CD163L1: variants seen among roughly 807,000 people sequenced by gnomAD.
The protein encoded by CD163L1 is CD163 molecule like 1, also known as scavenger receptor cysteine-rich type 1 protein M160.
A neutral mutation model predicts 165.4 loss-of-function variants in CD163L1; 124 were observed. That is an observed-to-expected ratio of 0.75 (90% CI 0.65 to 0.87). CD163L1 has a LOEUF of 0.87. CD163L1 is among the 40% of genes least tolerant of loss of function. The probability of loss-of-function intolerance (pLI) is 0.00; values close to 1 mark genes in which losing one functional copy is unlikely to be tolerated. For missense variants in CD163L1, 1,525 were observed against 1,799.9 expected, an observed-to-expected ratio of 0.85 and a Z score of 2.76; for synonymous variants, 585 against 662.2, an observed-to-expected ratio of 0.88 and a Z score of 1.79.
rs1178976335 is a variant in CD163L1 at position 7,374,298 on chromosome 12, A to AT, written c.3409+143dup. ...ATGACAAGGGTATTAAGAAATCAGT[A>AT]TAAGAGAATAGGATTAAAACCAAGT... On this transcript the variant is annotated intron_variant, in intron 13 of 19. Transcript: ENST00000313599. This position sits in a 1 kb window ranked among gnomAD's most constrained non-coding sequence, Gnocchi z 5.4. The AT allele has an allele frequency of 4.0e-6, 3 of 747,316 alleles. No individual in the cohort carries two copies. In the African/African-American group the frequency reaches 5.3e-5, roughly 13 times the overall value. 46.3% of individuals were successfully genotyped at this position (747,316 alleles called of 1,614,324 possible).
At chr12:7,337,002 T>G in the CD163L1 span, among the ~76,000 whole-genome samples, 1 of 152,022 alleles carries the variant, frequency 6.6e-6, no homozygotes, top group Admixed American at 6.6e-5. Flanking sequence ...GAGAGAGGCC[T>G]CAGAAATAAC....
chr12:7,373,177 G>A, intron 14 of CD163L1, 143 bp downstream of exon 14: 1 of 649,710 alleles, frequency 1.5e-6, no homozygotes, highest in Non-Finnish European at 2.5e-6. Context: ...TTTCAATATA[G>A]AACAGATGCG....
intron 5 of CD163L1, 100 bp downstream of exon 5, chr12:7,406,432 T>G (rs946993640): frequency 4.5e-6 from 5 of 1,108,008 alleles, no homozygotes; most frequent in Non-Finnish European, 6.5e-6. Context: ...TTCTTCACAA[T>G]TCTTACACAT....
chr12:7,405,374 A>G (rs909204900), intron 5 of CD163L1, among the ~76,000 whole-genome samples: 1 of 151,596 alleles, frequency 6.6e-6, no homozygotes, highest in African/African-American at 2.4e-5. Flanking sequence ...GTGGAGAAAA[A>G]TTTTTCTTAT....
intron 6 of CD163L1, among the ~76,000 whole-genome samples, 159 bp downstream of exon 6, chr12:7,403,376 T>A: frequency 6.6e-6 from 1 of 152,320 alleles, no homozygotes; most frequent in African/African-American, 2.4e-5. Context: ...ACTCTCTTTT[T>A]ACAATGTGCA....
In CD163L1 at chr12:7,421,456, C is replaced by CATATACATAT. The variant is rs1565809926; in HGVS notation, c.766+10959_766+10960insATATGTATAT. Among the ~76,000 whole-genome samples the CATATACATAT allele has an allele frequency of 3.0e-5, 3 of 100,246 alleles. 1 individual carries two copies. In the Admixed American group the frequency reaches 3.2e-4, roughly 11 times the overall value. 65.8% of individuals were successfully genotyped at this position (100,246 alleles called of 152,430 possible). On this transcript the variant is annotated intron_variant, in intron 4 of 19. Transcript: ENST00000313599. The stretch of plus-strand genomic sequence containing the variant: ...ACATATATACATATACATATATGTA[C>CATATACATAT]ATATATACATATATATACATATATG...
At chr12:7,363,248 G>A (rs760054851) in intron 18 of CD163L1, among the ~76,000 whole-genome samples, 4 of 152,026 alleles carry the variant, frequency 2.6e-5, no homozygotes, top group South Asian at 2.1e-4. Context: ...GGCGGAGGTC[G>A]CAGTTAGCCG....
Position 7,433,613 on chromosome 12 carries a change from C to CA in CD163L1, c.205dup (p.Trp69LeufsTer6). 6.2e-7 allele frequency: 1 copy of CA among 1,614,170 alleles called. No homozygotes were observed. On this transcript the variant is annotated frameshift_variant, in exon 3 of 20. Coordinates refer to ENST00000313599, the MANE Select transcript of CD163L1 (RefSeq NM_174941.6). LOFTEE classifies it high-confidence loss of function. Reference sequence around the variant, plus strand: ...CCACCCATCATCACACACAGTCCCCCACTGTCCCTGGAATTTCACCTCCAC... The same window carrying CA: ...CCACCCATCATCACACACAGTCCCCCAACTGTCCCTGGAATTTCACCTCCAC...
At chr12:7,353,141 T>C (rs977324502), downstream of CD163L1, among the ~76,000 whole-genome samples, 3 of 151,944 alleles carry the variant, frequency 2.0e-5, no homozygotes, top group Non-Finnish European at 4.4e-5. Context: ...AAGAAATCAA[T>C]AGGAATTCTT....
intron 4 of CD163L1, among the ~76,000 whole-genome samples, chr12:7,409,549 T>C (rs1315299078): frequency 6.6e-6 from 1 of 152,184 alleles, no homozygotes; most frequent in African/African-American, 2.4e-5. Context: ...GAGAATCTAA[T>C]GCCAGCCCTG....
intron 4 of CD163L1, among the ~76,000 whole-genome samples, chr12:7,418,759 C>T (rs1428694660): frequency 6.6e-6 from 1 of 151,852 alleles, no homozygotes; most frequent in Non-Finnish European, 1.5e-5. Context: ...TCCTTAAATG[C>T]ATAAACTAGA....
the CD163L1 span, among the ~76,000 whole-genome samples, chr12:7,335,020 T>C: frequency 1.3e-5 from 2 of 152,214 alleles, no homozygotes; most frequent in Non-Finnish European, 2.9e-5. Context: ...GAACATTCCA[T>C]GCTCATGGGT....
At chr12:7,422,662 CTCATA>C (rs887573614) in intron 4 of CD163L1, among the ~76,000 whole-genome samples, 11 of 148,834 alleles carry the variant, frequency 7.4e-5, no homozygotes, top group African/African-American at 1.7e-4. Flanking sequence ...TCATATATAT[CTCATA>C]TCATAACTAT....
chr12:7,418,301 AATC>A (rs1206693000), intron 4 of CD163L1, among the ~76,000 whole-genome samples: 7 of 152,094 alleles, frequency 4.6e-5, no homozygotes, highest in African/African-American at 1.7e-4. Context: ...TCAACAATGA[AATC>A]ATGATGGAAA....
At chr12:7,341,274 C>T in the CD163L1 span, among the ~76,000 whole-genome samples, 23 of 152,216 alleles carry the variant, frequency 1.5e-4, no homozygotes, top group African/African-American at 4.1e-4. Context: ...GGACATTTGA[C>T]GACTTTCAGA....
chr12:7,363,790 G>GA (rs55888642), intron 18 of CD163L1, among the ~76,000 whole-genome samples: 137,465 of 146,822 alleles, frequency 0.94, 64,407 homozygotes, highest in East Asian at 0.99. Flanking sequence ...ATAATAATAA[G>GA]AAAAAAAAAA....
chr12:7,357,511 T>A lies in CD163L1; in HGVS notation c.4280-25A>T, dbSNP rs773777023. The A allele has an allele frequency of 2.9e-5, 46 of 1,600,520 alleles. No individual in the cohort carries two copies. The East Asian group carries it at 9.4e-4, about 33-fold the overall frequency. ...TCTGAAAGAAAGGCAAAATCTGTAT[T>A]ATTGAATAGTAGAAAACCTCTCTGC... On this transcript the variant is annotated intron_variant, in intron 18 of 19. Transcript: ENST00000313599.
At chr12:7,421,630 CATATAT>C (rs1565810886) in intron 4 of CD163L1, among the ~76,000 whole-genome samples, 31 of 100,640 alleles carry the variant, frequency 3.1e-4, no homozygotes, top group African/African-American at 1.6e-4. Context: ...TACATATATA[CATATAT>C]GTACACATAT....
intron 2 of CD163L1, among the ~76,000 whole-genome samples, chr12:7,438,371 T>G (rs184989538): frequency 4.6e-5 from 7 of 152,302 alleles, no homozygotes; most frequent in Admixed American, 3.9e-4. Context: ...AAATACATTT[T>G]TATAAGCATT....
Sources: allele counts gnomAD v4.1 joint callset (sites outside exome capture counted in the v4.1 genomes callset), GRCh38; gene constraint gnomAD v4.1.1; non-coding constraint Gnocchi (gnomAD v3.1); transcripts MANE v1.5; gene names NCBI Gene and HGNC (gene_info 2026-07-23, HGNC 2026-07-21).